Variants in TAF5 observed in about 807,000 individuals in gnomAD.
TAF5 encodes TATA-box binding protein associated factor 5.
A neutral mutation model predicts 80.9 loss-of-function variants in TAF5; 20 were observed. The ratio of observed to expected loss-of-function variants is 0.25; its 90% CI spans 0.17 to 0.36. TAF5 has a LOEUF of 0.36. TAF5 is among the 10% of genes least tolerant of loss of function. The pLI, the probability that TAF5 is intolerant of heterozygous loss-of-function variation, is 1.00. For missense variants in TAF5, 863 were observed against 1,029.4 expected (o/e 0.84, Z 2.21); for synonymous variants, 388 against 406.4 (o/e 0.95, Z 0.55).
At position 103,370,687 on chromosome 10, in the gene TAF5, G is replaced by C. The variant is rs187260833; in HGVS notation, c.559+2139G>C. On this transcript the variant is annotated intron_variant, in intron 1 of 10. Coordinates refer to ENST00000369839, the MANE Select transcript of TAF5 (RefSeq NM_006951.5). ...TTGGTATGGATAAGTTTATGCCTCT[G>C]TGTATGTACCTGAAACCTGAGCCCC... 1.6e-3 allele frequency among the ~76,000 whole-genome samples: 247 copies of C among 152,166 alleles called. 1 individual carries two copies. The highest frequency in any genetic ancestry group is 5.7e-3 in the African/African-American group (238 of 41,516).
At chr10:103,369,348 TTTTTTTCTTTTTC>T (rs1199302831) in intron 1 of TAF5, among the ~76,000 whole-genome samples, 1 of 146,026 alleles carries the variant, frequency 6.8e-6, no homozygotes, top group African/African-American at 2.5e-5. Context: ...AAAGTTGAAT[TTTTTTTCTTTTTC>T]TTTTTTTCTT....
intron 1 of TAF5, among the ~76,000 whole-genome samples, chr10:103,371,725 A>G (rs1352352613): frequency 2.0e-5 from 3 of 152,178 alleles, no homozygotes; most frequent in African/African-American, 7.2e-5. Flanking sequence ...ATGTGAAGGG[A>G]ACACAGGATA....
In TAF5 at chr10:103,368,536, G is replaced by C; in HGVS notation, c.547G>C (p.Ala183Pro). The change falls in exon 1 of 11, where the codon GCT becomes CCT. Residue 183 changes from alanine to proline, a missense_variant. Around this residue, in one of 3 missense-constraint regions of TAF5, gnomAD observed 367 missense variants for 335.5 expected, o/e 1.09. Transcript: ENST00000369839. The part of the protein sequence containing the change: ...VVSGSASGPA[A>P]PGKVGSVAVE... ...CTCAGGTTCAGCCTCAGGTCCTGCGGCTCCGGGTAAAGGTGAGCCGTGGGG... is the reference window on the plus strand; with the variant it reads ...CTCAGGTTCAGCCTCAGGTCCTGCGCCTCCGGGTAAAGGTGAGCCGTGGGG... 19 of 1,532,508 alleles carry C rather than the reference G, an allele frequency of 1.2e-5. No individual in the cohort carries two copies. The highest frequency in any genetic ancestry group is 3.9e-4 in the Middle Eastern group (2 of 5,178). The allele number at this position is 1,532,508 out of a possible 1,614,324, so 94.9% of individuals were successfully genotyped here.
chr10:103,387,000 T>A (rs975820411), intron 8 of TAF5, among the ~76,000 whole-genome samples, 175 bp from the exon 9 acceptor site: 2 of 151,820 alleles, frequency 1.3e-5, no homozygotes, highest in African/African-American at 2.4e-5. Flanking sequence ...TTGTACCAGA[T>A]GAACTCTTAG....
Position 103,381,776 on chromosome 10 carries a change from C to T in TAF5, c.1469C>T (p.Ala490Val), listed in dbSNP as rs2093383571. 6.2e-7 allele frequency: 1 copy of T among 1,614,016 alleles called. No individual in the cohort carries two copies. Among genetic ancestry groups the T allele is most frequent in the Non-Finnish European group, 8.5e-7 (1 of 1,180,016 alleles). Residue 490 changes from alanine (A) to valine (V), a missense_variant, in exon 6 of 11, where the codon GCA becomes GTA. Around this residue, in one of 3 missense-constraint regions of TAF5, gnomAD observed 368 missense variants for 461.7 expected, o/e 0.80. Coordinates refer to ENST00000369839, the MANE Select transcript of TAF5 (RefSeq NM_006951.5). ...TCTAGTCTGATTGCTGGAGGTTTTG[C>T]AGATTCAACTGTCAGAGTGTGGTCG... Reference protein sequence around the residue: ...DDSSLIAGGFADSTVRVWSVT... With the variant: ...DDSSLIAGGFVDSTVRVWSVT...
At chr10:103,383,780 G>T (rs988405968) in intron 7 of TAF5, among the ~76,000 whole-genome samples, 7 of 151,956 alleles carry the variant, frequency 4.6e-5, no homozygotes, top group Non-Finnish European at 7.4e-5. Flanking sequence ...GTTTCTCCAT[G>T]TTGGTCAGGC....
intron 5 of TAF5, 105 bp from the exon 6 acceptor site, chr10:103,381,616 G>A: frequency 1.6e-6 from 2 of 1,247,510 alleles, no homozygotes; most frequent in Non-Finnish European, 2.3e-6. Flanking sequence ...CCTTAAAATA[G>A]AGGATTGAGG....
chr10:103,387,421 GAC>G, intron 9 of TAF5, 69 bp downstream of exon 9: 2 of 1,550,818 alleles, frequency 1.3e-6, no homozygotes, highest in Non-Finnish European at 1.7e-6. Flanking sequence ...TTAAACAAGT[GAC>G]ACATAAATTT....
At chr10:103,387,447 C>T in intron 9 of TAF5, 74 bp from the exon 10 acceptor site, 2 of 1,548,412 alleles carry the variant, frequency 1.3e-6, no homozygotes, top group Non-Finnish European at 1.7e-6. Context: ...AGATACCATT[C>T]TTACTACAAA....
intron 8 of TAF5, among the ~76,000 whole-genome samples, chr10:103,386,942 C>A (rs761824670): frequency 1.5e-4 from 23 of 150,470 alleles, no homozygotes; most frequent in Non-Finnish European, 3.2e-4. Context: ...GAAGTGTAAG[C>A]GTGAGCCCCC....
chr10:103,383,479 T>C (rs1592095130), intron 7 of TAF5, 112 bp downstream of exon 7: 3 of 1,080,480 alleles, frequency 2.8e-6, no homozygotes, highest in Non-Finnish European at 2.5e-6. Flanking sequence ...AAAAATCTCA[T>C]GGTTGTCTGA....
At chr10:103,377,588 G>A (rs955030104) in intron 2 of TAF5, among the ~76,000 whole-genome samples, 12 of 152,092 alleles carry the variant, frequency 7.9e-5, no homozygotes, top group African/African-American at 2.7e-4. Flanking sequence ...AAGGCTAAAG[G>A]CTTTATTTTA....
chr10:103,385,247 G>A (rs2093393134), intron 7 of TAF5, 79 bp from the exon 8 acceptor site: 3 of 1,084,106 alleles, frequency 2.8e-6, no homozygotes, highest in Non-Finnish European at 4.0e-6. Context: ...AATATTAAAT[G>A]TATTCAAATG....
intron 4 of TAF5, 35 bp downstream of exon 4, chr10:103,379,806 G>T (rs759987205): frequency 1.3e-6 from 2 of 1,595,994 alleles, no homozygotes; most frequent in Middle Eastern, 1.7e-4. Flanking sequence ...GTGTGTGGAG[G>T]TATAAGACAA....
At chr10:103,368,842 T>C (rs888100596) in intron 1 of TAF5, among the ~76,000 whole-genome samples, 5 of 152,210 alleles carry the variant, frequency 3.3e-5, no homozygotes, top group Non-Finnish European at 7.4e-5. Flanking sequence ...CATTTGGGCT[T>C]TTGAGCCTTG....
chr10:103,377,047 T>C (rs1436365816), intron 2 of TAF5, among the ~76,000 whole-genome samples: 1 of 152,130 alleles, frequency 6.6e-6, no homozygotes, highest in African/African-American at 2.4e-5. Flanking sequence ...TCCTAGCTAC[T>C]CGGGAGACTG....
chr10:103,368,846 A>C (rs2093352201), intron 1 of TAF5, among the ~76,000 whole-genome samples: 1 of 152,110 alleles, frequency 6.6e-6, no homozygotes, highest in Admixed American at 6.5e-5. Context: ...TGGGCTTTTG[A>C]GCCTTGGGCA....
intron 1 of TAF5, among the ~76,000 whole-genome samples, chr10:103,368,868 C>T (rs1193580381): frequency 6.6e-6 from 1 of 152,228 alleles, no homozygotes; most frequent in African/African-American, 2.4e-5. Context: ...GTCCGCATGA[C>T]ACTAACAGTG....
At chr10:103,368,685 T>C in intron 1 of TAF5, 137 bp downstream of exon 1, 1 of 1,193,110 alleles carries the variant, frequency 8.4e-7, no homozygotes, top group African/African-American at 1.6e-5. Context: ...TGCCCGCCCC[T>C]TTCTCTAGTG....
Sources: gnomAD v4.1 joint callset for allele counts (sites outside exome capture counted in the v4.1 genomes callset) on GRCh38, gnomAD v4.1.1 for gene constraint, gnomAD v4.1.1 regional missense constraint, MANE v1.5 for transcripts, NCBI Gene and HGNC (gene_info 2026-07-23, HGNC 2026-07-21) for gene names.